UMAD1: variants seen among roughly 807,000 people sequenced by gnomAD.
UMAD1 encodes the protein UBAP1-MVB12-associated (UMA)-domain containing protein 1.
UMAD1 carries 8 observed loss-of-function variants against 6.1 expected under a neutral mutation model. The ratio of observed to expected loss-of-function variants is 1.30; its 90% CI spans 0.76 to 2.35. UMAD1 has a LOEUF of 2.35. UMAD1 is among the 30% of genes most tolerant of loss of function. The pLI is 0.00. For missense variants in UMAD1, 130 were observed against 78.4 expected (o/e 1.66, Z -2.49); for synonymous variants, 56 against 31.4 (o/e 1.78, Z -2.61).
chr7:7,777,281 C>T (rs1352387904), intron 2 of UMAD1, among the ~76,000 whole-genome samples: 1 of 151,510 alleles, frequency 6.6e-6, no homozygotes, highest in Non-Finnish European at 1.5e-5. Context: ...CTGAGGCGGG[C>T]AAATCACAAG....
At position 7,796,244 on chromosome 7, in the gene UMAD1, C is replaced by T. The variant is rs866624418; in HGVS notation, c.83-5426C>T. Among the ~76,000 whole-genome samples the T allele has an allele frequency of 1.1e-3, 72 of 63,954 alleles. 1 individual carries two copies. Among genetic ancestry groups the T allele is most frequent in the African/African-American group, 6.3e-3 (65 of 10,244 alleles). The allele number at this position is 63,954 out of a possible 152,430, so 42.0% of individuals were successfully genotyped here. A position where few individuals can be genotyped will look rare whatever the true frequency, so the allele number is the denominator to read the frequency against. ...ACTTTGACCCATTTCTATTTTCTTTCTTTTTTTTTTTTTTTTTTTTTTTTG... is the reference window on the plus strand; with the variant it reads ...ACTTTGACCCATTTCTATTTTCTTTTTTTTTTTTTTTTTTTTTTTTTTTTG... On this transcript the variant is annotated intron_variant, in intron 2 of 3. Coordinates refer to ENST00000682710, the MANE Select transcript of UMAD1 (RefSeq NM_001302348.2).
chr7:7,648,343 C>T (rs1785145449), intron 1 of UMAD1, among the ~76,000 whole-genome samples: 2 of 152,158 alleles, frequency 1.3e-5, no homozygotes, highest in South Asian at 2.1e-4. Context: ...TGTGGCCCTT[C>T]TGTTATTTGT....
At chr7:7,704,878 G>T (rs1371274866) in intron 2 of UMAD1, among the ~76,000 whole-genome samples, 2 of 149,258 alleles carry the variant, frequency 1.3e-5, no homozygotes, top group Non-Finnish European at 3.0e-5. Flanking sequence ...AAAACGATGT[G>T]TTTTATTTGG....
intron 2 of UMAD1, among the ~76,000 whole-genome samples, chr7:7,706,407 A>G (rs1780601134): frequency 2.0e-5 from 3 of 152,152 alleles, no homozygotes; most frequent in Admixed American, 2.0e-4. Flanking sequence ...GGAAATACCA[A>G]CAGAGCATGG....
chr7:7,660,512 C>T (rs1162621070), intron 1 of UMAD1, among the ~76,000 whole-genome samples: 1 of 152,180 alleles, frequency 6.6e-6, no homozygotes, highest in Non-Finnish European at 1.5e-5. Context: ...GACAAAATCT[C>T]TCAGCATTTG....
At chr7:7,697,265 T>A (rs936310949) in intron 2 of UMAD1, among the ~76,000 whole-genome samples, 3 of 152,254 alleles carry the variant, frequency 2.0e-5, no homozygotes, top group South Asian at 4.1e-4. Flanking sequence ...CTAGGAATGA[T>A]ATCTTCTATC....
chr7:7,815,327 A>G (rs981474858), intron 3 of UMAD1, among the ~76,000 whole-genome samples: 3 of 152,200 alleles, frequency 2.0e-5, no homozygotes, highest in Non-Finnish European at 4.4e-5. Context: ...GATGTATACT[A>G]GATACTCAGT....
intron 3 of UMAD1, among the ~76,000 whole-genome samples, chr7:7,841,906 G>T (rs1783688823): frequency 6.6e-6 from 1 of 152,048 alleles, no homozygotes; most frequent in South Asian, 2.1e-4. Flanking sequence ...CATTATAAAT[G>T]AATAAAAGAT....
chr7:7,871,747 G>T (rs1193118404), intron 3 of UMAD1, among the ~76,000 whole-genome samples: 3 of 151,792 alleles, frequency 2.0e-5, no homozygotes, highest in African/African-American at 7.3e-5. Flanking sequence ...AGGATAACTT[G>T]AATGAGAAAG....
At chr7:7,730,017 T>C (rs892908151) in intron 2 of UMAD1, among the ~76,000 whole-genome samples, 1 of 152,168 alleles carries the variant, frequency 6.6e-6, no homozygotes, top group Non-Finnish European at 1.5e-5. Context: ...CTCTATTATT[T>C]AGGACCCTGC....
At chr7:7,669,067 C>T (rs892523677) in intron 1 of UMAD1, among the ~76,000 whole-genome samples, 1 of 132,510 alleles carries the variant, frequency 7.5e-6, no homozygotes, top group Non-Finnish European at 1.6e-5. Flanking sequence ...TAGACAGTGG[C>T]CCCAGCTGGG....
intron 3 of UMAD1, among the ~76,000 whole-genome samples, chr7:7,858,111 A>C (rs1784052893): frequency 6.6e-6 from 1 of 152,196 alleles, no homozygotes; most frequent in Admixed American, 6.5e-5. Context: ...GGAAAAATTA[A>C]ATTAGACTCA....
chr7:7,704,017 C>A (rs983688991), intron 2 of UMAD1, among the ~76,000 whole-genome samples: 1 of 152,048 alleles, frequency 6.6e-6, no homozygotes, highest in Non-Finnish European at 1.5e-5. Context: ...CATAGACATA[C>A]CTTAGAGCAA....
chr7:7,744,118 A>C (rs1781525157), intron 2 of UMAD1, among the ~76,000 whole-genome samples: 1 of 152,132 alleles, frequency 6.6e-6, no homozygotes. Context: ...TCACTCAGGA[A>C]TCTACTTTCT....
At chr7:7,824,847 T>C (rs971343362) in intron 3 of UMAD1, among the ~76,000 whole-genome samples, 1 of 152,172 alleles carries the variant, frequency 6.6e-6, no homozygotes, top group Non-Finnish European at 1.5e-5. Context: ...CTTACCACCA[T>C]TTGTCTCTCT....
intron 3 of UMAD1, among the ~76,000 whole-genome samples, chr7:7,813,503 C>A (rs1202891691): frequency 2.0e-5 from 3 of 152,052 alleles, no homozygotes; most frequent in Non-Finnish European, 4.4e-5. Flanking sequence ...TGCGCCCAGC[C>A]CCTTTTTCTG....
At chr7:7,756,029 G>A (rs1781768562) in intron 2 of UMAD1, among the ~76,000 whole-genome samples, 1 of 152,214 alleles carries the variant, frequency 6.6e-6, no homozygotes, top group African/African-American at 2.4e-5. Flanking sequence ...GTTTGTTAGA[G>A]CTTTGAGCCC....
chr7:7,870,665 G>A (rs111623954), intron 3 of UMAD1, among the ~76,000 whole-genome samples: 5,595 of 152,214 alleles, frequency 0.037, 178 homozygotes, highest in Non-Finnish European at 0.051. Context: ...AGGCTGTAGG[G>A]TCCTTGAATT....
At chr7:7,814,650 C>G (rs1470183629) in intron 3 of UMAD1, among the ~76,000 whole-genome samples, 1 of 136,736 alleles carries the variant, frequency 7.3e-6, no homozygotes, top group Non-Finnish European at 1.6e-5. Flanking sequence ...TTAGAGTGTA[C>G]TTTTTATTTT....
Sources: gnomAD v4.1 joint callset for allele counts (sites outside exome capture counted in the v4.1 genomes callset) on GRCh38, gnomAD v4.1.1 for gene constraint, MANE v1.5 for transcripts, NCBI Gene and HGNC (gene_info 2026-07-23, HGNC 2026-07-21) for gene names.